Variants in AGAP1 observed in about 807,000 individuals in gnomAD.
AGAP1 encodes arf-GAP with GTPase, ANK repeat and PH domain-containing protein 1.
In AGAP1, 29 loss-of-function variants were observed where a neutral mutation model predicts 105.3. The ratio of observed to expected loss-of-function variants is 0.28; its 90% CI spans 0.21 to 0.38. The LOEUF is 0.38. AGAP1 is among the 10% of genes least tolerant of loss of function. The pLI is 1.00. For missense variants in AGAP1, 998 were observed against 1,165.1 expected (o/e 0.86, Z 2.09); for synonymous variants, 509 against 485.9 (o/e 1.05, Z -0.63).
intron 1 of AGAP1, among the ~76,000 whole-genome samples, chr2:235,587,869 C>T (rs937909808): frequency 1.3e-5 from 2 of 152,088 alleles, no homozygotes; most frequent in Admixed American, 1.3e-4. Context: ...CCTGCTGCTC[C>T]TTCCACGCCT....
At chr2:235,500,127 G>T (rs1423016917) in intron 1 of AGAP1, among the ~76,000 whole-genome samples, 1 of 152,136 alleles carries the variant, frequency 6.6e-6, no homozygotes, top group Non-Finnish European at 1.5e-5. Context: ...AGATTTGCTT[G>T]CTAAATCTTG....
intron 9 of AGAP1, among the ~76,000 whole-genome samples, chr2:235,825,892 A>G (rs1959035272): frequency 6.6e-6 from 1 of 152,202 alleles, no homozygotes; most frequent in Non-Finnish European, 1.5e-5. Context: ...CAATGGATAA[A>G]TGAGAGGATG....
chr2:235,821,852 C>G (rs1420310368), intron 9 of AGAP1, among the ~76,000 whole-genome samples: 1 of 152,190 alleles, frequency 6.6e-6, no homozygotes, highest in Non-Finnish European at 1.5e-5. Flanking sequence ...GTCTTATGTC[C>G]ATGACCTTGA....
In AGAP1 at chr2:235,930,766, G is replaced by C. The variant is rs771521086; in HGVS notation, c.1326G>C (p.Gly442=). The change falls in exon 12 of 18, where the codon GGG becomes GGC. Residue 442 remains glycine, a splice_region_variant and synonymous_variant. Transcript: ENST00000304032. This position sits in a 1 kb window ranked among gnomAD's most constrained non-coding sequence, Gnocchi z 7.9. ...MSSLHISPNS[G]NVTSASGSQM... Reference sequence around the variant, plus strand: ...TTCACCTGACTTGTTTATTCCTAGGGAATGTCACTAGTGCATCTGGGTCTC... The same window carrying C: ...TTCACCTGACTTGTTTATTCCTAGGCAATGTCACTAGTGCATCTGGGTCTC... 8 of 1,613,568 alleles carry C rather than the reference G, an allele frequency of 5.0e-6. No individual in the cohort carries two copies. The highest frequency in any genetic ancestry group is 1.7e-4 in the Middle Eastern group (1 of 6,046).
intron 1 of AGAP1, among the ~76,000 whole-genome samples, chr2:235,626,488 G>A (rs1380210550): frequency 6.6e-6 from 1 of 152,214 alleles, no homozygotes; most frequent in East Asian, 1.9e-4. Flanking sequence ...GTTAATGGTG[G>A]CGTTTTTTAA....
intron 9 of AGAP1, among the ~76,000 whole-genome samples, chr2:235,819,676 C>T (rs1382383519): frequency 6.6e-6 from 1 of 151,950 alleles, no homozygotes; most frequent in Non-Finnish European, 1.5e-5. Flanking sequence ...CCTCCGATGC[C>T]CGTCCGATCT....
In AGAP1 at chr2:235,665,093, T is replaced by C. The variant is rs887870755; in HGVS notation, c.164-44086T>C. On this transcript the variant is annotated intron_variant, in intron 1 of 17. Coordinates refer to ENST00000304032, the MANE Select transcript of AGAP1 (RefSeq NM_001037131.3). This position sits in a 1 kb window ranked among gnomAD's most constrained non-coding sequence, Gnocchi z 5.3. ...TAAAAATTAGCCAGGGGTGGTGACA[T>C]GTGCCTGTGGTCCCAGCTATTCAGG... is the stretch of plus-strand genomic sequence containing the variant. Among the ~76,000 whole-genome samples the C allele has an allele frequency of 2.6e-5, 4 of 152,160 alleles. No homozygotes were observed. The highest frequency in any genetic ancestry group is 9.7e-5 in the African/African-American group (4 of 41,432).
rs762183588 is a variant in AGAP1, at chr2:235,976,488, C to T, written c.1645+7865C>T. On this transcript the variant is annotated intron_variant, in intron 13 of 17. Transcript: ENST00000304032. This position sits in a 1 kb window ranked among gnomAD's most constrained non-coding sequence, Gnocchi z 4.5. Reference sequence around the variant, plus strand: ...GGCAGCCAGAACGGAAGATTCCCATCGTGATGAACCGACGCACAGAAGGAT... The same window carrying T: ...GGCAGCCAGAACGGAAGATTCCCATTGTGATGAACCGACGCACAGAAGGAT... 3.9e-5 allele frequency among the ~76,000 whole-genome samples: 6 copies of T among 152,166 alleles called. No homozygotes were observed. The highest frequency in any genetic ancestry group is 2.1e-4 in the South Asian group (1 of 4,826).
rs576266772 is a variant in AGAP1, at chr2:235,901,113, C to T, written c.1156-7625C>T. Among the ~76,000 whole-genome samples the T allele has an allele frequency of 6.6e-5, 10 of 152,282 alleles. No homozygotes were observed. Among genetic ancestry groups the T allele is most frequent in the African/African-American group, 2.4e-4 (10 of 41,546 alleles). ...GCATGACTTTGGTCTGCACCTGTGA[C>T]TACGTACAAGGCCATTGTTTATTAT... On this transcript the variant is annotated intron_variant, in intron 10 of 17. Coordinates refer to ENST00000304032, the MANE Select transcript of AGAP1 (RefSeq NM_001037131.3). This position sits in a 1 kb window ranked among gnomAD's most constrained non-coding sequence, Gnocchi z 4.3.
In AGAP1 at chr2:235,893,228, A is replaced by G. The variant is rs4663629; in HGVS notation, c.1155+9779A>G. 0.78 allele frequency among the ~76,000 whole-genome samples: 118,447 copies of G among 150,938 alleles called. 46,577 individuals are homozygous for G. Among genetic ancestry groups the G allele is most frequent in the East Asian group, 0.99 (5,018 of 5,072 alleles). On this transcript the variant is annotated intron_variant, in intron 10 of 17. Transcript: ENST00000304032. The surrounding 1 kb of genome is among the most constrained non-coding windows in gnomAD (Gnocchi z 4.7). ...GCCATGTCCATCATAATGAAGCACC[A>G]TGTCTGTAGCGCGGGTGTGCCATGT...
intron 9 of AGAP1, among the ~76,000 whole-genome samples, chr2:235,860,685 G>A (rs906752181): frequency 9.2e-5 from 14 of 152,172 alleles, no homozygotes; most frequent in Admixed American, 4.6e-4. Flanking sequence ...TGTAATAAAT[G>A]TTTCTGACAT....
rs140483087 is a variant in AGAP1, at chr2:235,688,094, G to A, written c.164-21085G>A. On this transcript the variant is annotated intron_variant, in intron 1 of 17. Transcript: ENST00000304032. ...TTTTTGTATTTTCAGTAGAGACGGG[G>A]TTTCACCATGCTGGCCAGGCTGGTC... 4.3e-3 allele frequency among the ~76,000 whole-genome samples: 652 copies of A among 152,066 alleles called. 4 individuals are homozygous for A. Among genetic ancestry groups the A allele is most frequent in the African/African-American group, 0.014 (560 of 41,470 alleles).
At chr2:236,074,538 G>A (rs1000964322) in intron 16 of AGAP1, among the ~76,000 whole-genome samples, 13 of 152,236 alleles carry the variant, frequency 8.5e-5, no homozygotes, top group South Asian at 2.1e-4. Flanking sequence ...TTGCTCTTAC[G>A]AGATAATAGT....
chr2:235,652,285 T>C (rs1947621119), intron 1 of AGAP1, among the ~76,000 whole-genome samples: 1 of 152,178 alleles, frequency 6.6e-6, no homozygotes, highest in East Asian at 1.9e-4. Context: ...GAGATGGCCA[T>C]CTTAGTTATC....
At chr2:235,980,154 C>T (rs1044202307) in intron 13 of AGAP1, among the ~76,000 whole-genome samples, 5 of 152,190 alleles carry the variant, frequency 3.3e-5, no homozygotes, top group South Asian at 2.1e-4. Flanking sequence ...GAATATTCCA[C>T]GCGTTTTTGA....
In AGAP1 at chr2:235,964,875, G is replaced by T. The variant is rs1327079993; in HGVS notation, c.1484-3587G>T. Among the ~76,000 whole-genome samples, 1 of 152,196 alleles carries T rather than the reference G, an allele frequency of 6.6e-6. No homozygotes were observed. Among genetic ancestry groups the T allele is most frequent in the Non-Finnish European group, 1.5e-5 (1 of 68,038 alleles). On this transcript the variant is annotated intron_variant, in intron 12 of 17. Coordinates refer to ENST00000304032, the MANE Select transcript of AGAP1 (RefSeq NM_001037131.3). The surrounding 1 kb of genome is among the most constrained non-coding windows in gnomAD (Gnocchi z 4.6). ...GGGTAAGGTAAGAACTGGACCAGGG[G>T]TACGTGGTGCTTAAATGGAGAGCAG... is the stretch of plus-strand genomic sequence containing the variant.
intron 1 of AGAP1, among the ~76,000 whole-genome samples, chr2:235,540,939 G>A (rs1302237359): frequency 2.6e-5 from 4 of 152,280 alleles, no homozygotes; most frequent in African/African-American, 4.8e-5. Context: ...GGCTCTCTAT[G>A]TGGTCATTCA....
intron 9 of AGAP1, among the ~76,000 whole-genome samples, chr2:235,871,341 G>C (rs1481837882): frequency 3.9e-5 from 6 of 152,180 alleles, no homozygotes; most frequent in Non-Finnish European, 8.8e-5. Flanking sequence ...AGCACTTCCA[G>C]CATCTGGCAT....
intron 13 of AGAP1, among the ~76,000 whole-genome samples, chr2:236,033,534 A>C (rs921839538): frequency 6.6e-6 from 1 of 152,252 alleles, no homozygotes; most frequent in African/African-American, 2.4e-5. Context: ...TGAGGCAAAA[A>C]ATAGAGACGT....
Sources: allele counts gnomAD v4.1 joint callset (sites outside exome capture counted in the v4.1 genomes callset), GRCh38; gene constraint gnomAD v4.1.1; non-coding constraint Gnocchi (gnomAD v3.1); transcripts MANE v1.5; gene names NCBI Gene and HGNC (gene_info 2026-07-23, HGNC 2026-07-21).